Variants in SPACA6 observed in about 807,000 individuals in gnomAD.
SPACA6 encodes the protein sperm acrosome membrane-associated protein 6.
For missense variants in SPACA6, 8 were observed against 2.8 expected (o/e 2.88, Z -1.34); for synonymous variants, 6 against 1.5 (o/e 4.05, Z -2.21).
At chr19:51,700,632 T>C (rs375356053) in intron 2 of SPACA6, among the ~76,000 whole-genome samples, 1 of 152,194 alleles carries the variant, frequency 6.6e-6, no homozygotes, top group Non-Finnish European at 1.5e-5. Context: ...TACAAATACT[T>C]ACTGAGCACT....
At position 51,694,498 on chromosome 19, in the gene SPACA6, C is replaced by G. The variant is rs1276348527; in HGVS notation, c.235C>G (p.Leu79Val). 1 of 399,638 alleles carries G rather than the reference C, an allele frequency of 2.5e-6. No homozygotes were observed. Among genetic ancestry groups the G allele is most frequent in the South Asian group, 1.3e-4 (1 of 7,908 alleles). 24.8% of individuals were successfully genotyped at this position (399,638 alleles called of 1,614,324 possible). Reference sequence around the variant, plus strand: ...GCCAGACTATGATGAGAGAAGCCACCTGCATGACACCTTCACCCAGATGAC... The same window carrying G: ...GCCAGACTATGATGAGAGAAGCCACGTGCATGACACCTTCACCCAGATGAC... The part of the protein sequence containing the change: ...TEINYDERSH[L>V]HDTFTQMTHA... Residue 79 changes from leucine to valine, a missense_variant, in exon 2 of 9, where the codon CTG becomes GTG. Physicochemically the swap from Leu to Val is conservative, Grantham distance 32 (BLOSUM62 1). Coordinates refer to ENST00000637797, the MANE Select transcript of SPACA6 (RefSeq NM_001316972.2).
At chr19:51,702,750 A>T (rs1456642031) in intron 4 of SPACA6, 98 bp downstream of exon 4, 6 of 399,114 alleles carry the variant, frequency 1.5e-5, no homozygotes, top group African/African-American at 1.2e-4. Context: ...TGGGCTTCAC[A>T]TCCTTAGGAA....
At chr19:51,683,134 G>A in the SPACA6 span, among the ~76,000 whole-genome samples, 1 of 152,188 alleles carries the variant, frequency 6.6e-6, no homozygotes, top group Non-Finnish European at 1.5e-5. Flanking sequence ...AGCTTCCTCT[G>A]TAGGCCCCTT....
intron 2 of SPACA6, among the ~76,000 whole-genome samples, chr19:51,699,813 G>A (rs980074466): frequency 5.3e-5 from 8 of 152,130 alleles, no homozygotes; most frequent in East Asian, 3.9e-4. Context: ...TTGGTTGCGG[G>A]GGATGGGGGG....
At chr19:51,693,132 T>C (rs998376823), upstream of SPACA6, 10 of 401,994 alleles carry the variant, frequency 2.5e-5, no homozygotes, top group Admixed American at 2.4e-4. Context: ...CCTCCCGATA[T>C]CTCTCTGTGT....
rs2083508382 is a variant in SPACA6, at chr19:51,705,101, G to T, written c.953G>T (p.Arg318Leu). Residue 318 changes from arginine (R) to leucine (L), a missense_variant, in exon 9 of 9, where the codon CGA becomes CTA. Physicochemically the swap from Arg to Leu is moderately radical, Grantham distance 102 (BLOSUM62 -2). Coordinates refer to ENST00000637797, the MANE Select transcript of SPACA6 (RefSeq NM_001316972.2). ...SATVLAWMFF[R>L]WYCSGN ...CTTTGTTTCCCCAGGATGTTCTTTC[G>T]ATGGTACTGCAGTGGCAACTAACAA... The T allele has an allele frequency of 2.5e-6, 1 of 401,258 alleles. No individual in the cohort carries two copies. The highest frequency in any genetic ancestry group is 4.4e-6 in the Non-Finnish European group (1 of 226,282). 24.9% of individuals were successfully genotyped at this position (401,258 alleles called of 1,614,324 possible).
At chr19:51,707,372 G>A (rs148820955), downstream of SPACA6, among the ~76,000 whole-genome samples, 548 of 152,120 alleles carry the variant, frequency 3.6e-3, 4 homozygotes, top group South Asian at 8.3e-3. Flanking sequence ...AAAGGCGTGT[G>A]CCACCATGCC....
At chr19:51,707,912 G>A (rs147196722), downstream of SPACA6, among the ~76,000 whole-genome samples, 20 of 152,368 alleles carry the variant, frequency 1.3e-4, 1 homozygote, top group East Asian at 3.3e-3. Context: ...CCCAAGTGCA[G>A]AAGTTTCTGT....
Position 51,693,578 on chromosome 19 carries a change from G to T in SPACA6, c.52G>T (p.Ala18Ser). Reference sequence around the variant, plus strand: ...CGTCCCGTCTGCCCTGCTGGCCCTGGCTGTCTTCAGGGTGCCCGCCTGGGC... The same window carrying T: ...CGTCCCGTCTGCCCTGCTGGCCCTGTCTGTCTTCAGGGTGCCCGCCTGGGC... The part of the protein sequence containing the change: ...SAVPSALLAL[A>S]VFRVPAWACL... The change falls in exon 1 of 9, where the codon GCT becomes TCT. Residue 18 changes from alanine (A) to serine (S), a missense_variant. Ala to Ser is a moderately conservative substitution (Grantham distance 99, BLOSUM62 1). Coordinates refer to ENST00000637797, the MANE Select transcript of SPACA6 (RefSeq NM_001316972.2). 2.3e-6 allele frequency: 1 copy of T among 439,548 alleles called. No individual in the cohort carries two copies. Among genetic ancestry groups the T allele is most frequent in the South Asian group, 6.8e-5 (1 of 14,636 alleles). The allele number at this position is 439,548 out of a possible 1,614,324, so 27.2% of individuals were successfully genotyped here. A position where few individuals can be genotyped will look rare whatever the true frequency, so the allele number is the denominator to read the frequency against.
chr19:51,694,279 G>A (rs897821484), intron 1 of SPACA6, 199 bp from the exon 2 acceptor site: 8 of 390,710 alleles, frequency 2.0e-5, no homozygotes, highest in Admixed American at 4.5e-5. Flanking sequence ...GCAGGATAGC[G>A]ACTGGTCGGG....
At chr19:51,690,743 C>T (rs1031510261), upstream of SPACA6, among the ~76,000 whole-genome samples, 1 of 152,208 alleles carries the variant, frequency 6.6e-6, no homozygotes, top group Non-Finnish European at 1.5e-5. Flanking sequence ...CTCTCCGCCT[C>T]AGTTTCCCCA....
chr19:51,691,714 T>C (rs551128964), upstream of SPACA6, among the ~76,000 whole-genome samples: 193 of 144,216 alleles, frequency 1.3e-3, 1 homozygote, highest in African/African-American at 4.8e-3. Flanking sequence ...AACCGGAAGG[T>C]GCGCCTGGAG....
At chr19:51,685,511 A>G (rs2083324387), upstream of SPACA6, 1 of 152,288 alleles carries the variant, frequency 6.6e-6, no homozygotes. Flanking sequence ...AGATAATTTT[A>G]TACAATATTT....
rs535875471 is a variant in SPACA6 at position 51,703,706 on chromosome 19, G to T, written c.574-324G>T. Among the ~76,000 whole-genome samples the T allele has an allele frequency of 1.3e-5, 2 of 152,140 alleles. No homozygotes were observed. Among genetic ancestry groups the T allele is most frequent in the African/African-American group, 2.4e-5 (1 of 41,448 alleles). On this transcript the variant is annotated intron_variant, in intron 6 of 8. Coordinates refer to ENST00000637797, the MANE Select transcript of SPACA6 (RefSeq NM_001316972.2). This position sits in a 1 kb window ranked among gnomAD's most constrained non-coding sequence, Gnocchi z 4.2. ...CCCAGCCACTGGGGAGGCTGAGCGG[G>T]AAGACTGCTTAAGTCCAGGAGTTTG...
the SPACA6 span, among the ~76,000 whole-genome samples, chr19:51,682,739 C>A: frequency 6.6e-6 from 1 of 152,132 alleles, no homozygotes; most frequent in African/African-American, 2.4e-5. Context: ...ATAAACTGAG[C>A]AGCTTAAAAC....
upstream of SPACA6, among the ~76,000 whole-genome samples, chr19:51,684,953 T>C (rs151195710): frequency 1.5e-3 from 235 of 152,324 alleles, no homozygotes; most frequent in African/African-American, 5.3e-3. Context: ...CATGGAAGGA[T>C]TGTCTGGTGG....
intron 2 of SPACA6, among the ~76,000 whole-genome samples, chr19:51,696,777 G>A (rs1192349685): frequency 6.6e-6 from 1 of 152,230 alleles, no homozygotes; most frequent in East Asian, 1.9e-4. Context: ...GGTTGGTCAG[G>A]GCAGGTGGAA....
intron 2 of SPACA6, among the ~76,000 whole-genome samples, chr19:51,711,830 G>GT (rs1412540205): frequency 6.6e-6 from 1 of 152,158 alleles, no homozygotes; most frequent in Non-Finnish European, 1.5e-5. Context: ...GCCAGAATAG[G>GT]TAAATCTATA....
intron 2 of SPACA6, among the ~76,000 whole-genome samples, chr19:51,695,835 G>C (rs564033063): frequency 6.6e-6 from 1 of 152,184 alleles, no homozygotes; most frequent in East Asian, 1.9e-4. Flanking sequence ...GGCTGGGGCC[G>C]TGAAGGTGGA....
Sources: gnomAD v4.1 joint callset for allele counts (sites outside exome capture counted in the v4.1 genomes callset) on GRCh38, gnomAD v4.1.1 for gene constraint, Gnocchi (gnomAD v3.1) non-coding constraint, MANE v1.5 for transcripts, NCBI Gene and HGNC (gene_info 2026-07-23, HGNC 2026-07-21) for gene names.